Variants in C19orf12 observed in about 807,000 individuals in gnomAD.
C19orf12 encodes the protein chromosome 19 open reading frame 12, also known as protein C19orf12.
A neutral mutation model predicts 3.8 loss-of-function variants in C19orf12; 2 were observed. That is an observed-to-expected ratio of 0.53 (90% CI 0.22 to 1.66). C19orf12 has a LOEUF of 1.66. Ranked by LOEUF, C19orf12 falls within the 40% of genes most tolerant of loss-of-function variation. The probability of loss-of-function intolerance (pLI) is 0.20; values close to 1 mark genes in which losing one functional copy is unlikely to be tolerated. For missense variants in C19orf12, 156 were observed against 188.8 expected (o/e 0.83, Z 1.02); for synonymous variants, 89 against 84.6 (o/e 1.05, Z -0.28).
rs1172113700 is a variant in C19orf12, at chr19:29,702,547, T to C, written c.*165A>G. 1 of 942,164 alleles carries C rather than the reference T, an allele frequency of 1.1e-6. No homozygotes were observed. The highest frequency in any genetic ancestry group is 1.9e-5 in the Admixed American group (1 of 53,662). The allele number at this position is 942,164 out of a possible 1,614,324, so 58.4% of individuals were successfully genotyped here. A position where few individuals can be genotyped will look rare whatever the true frequency, so the allele number is the denominator to read the frequency against. On this transcript the variant is annotated 3_prime_UTR_variant, in exon 3 of 3. Transcript: ENST00000323670. ...TGCTTCATCAGTAATTTCTGGAACA[T>C]GACACTGCACAGCGGTGGCCTCTCC...
intron 1 of C19orf12, among the ~76,000 whole-genome samples, chr19:29,712,175 G>A (rs1260632332): frequency 6.6e-6 from 1 of 152,138 alleles, no homozygotes; most frequent in Admixed American, 6.5e-5. Flanking sequence ...GGAAGCCGAG[G>A]TGGGCAGATC....
rs1348813651 is a variant in C19orf12, at chr19:29,700,182, C to T, written c.*2530G>A. 2 of 453,878 alleles carry T rather than the reference C, an allele frequency of 4.4e-6. No individual in the cohort carries two copies. The highest frequency in any genetic ancestry group is 4.7e-5 in the Admixed American group (2 of 42,562). The allele number at this position is 453,878 out of a possible 1,614,324, so 28.1% of individuals were successfully genotyped here. On this transcript the variant is annotated 3_prime_UTR_variant, in exon 3 of 3. Transcript: ENST00000323670. ...GCTGGGACCACCTGTGTCCCCTGGG[C>T]CTGACACAGACCAGGACCTGATGCA...
At chr19:29,703,045 C>T in intron 2 of C19orf12, 68 bp from the exon 3 acceptor site, 1 of 1,598,430 alleles carries the variant, frequency 6.3e-7, no homozygotes, top group South Asian at 1.1e-5. Context: ...TAAGTTCCCA[C>T]TGAGTGCACA....
rs1442363747 is a variant in C19orf12 at position 29,700,752 on chromosome 19, C to T, written c.*1960G>A. 4.4e-6 allele frequency: 2 copies of T among 454,034 alleles called. No homozygotes were observed. Among genetic ancestry groups the T allele is most frequent in the African/African-American group, 2.0e-5 (1 of 50,024 alleles). 28.1% of individuals were successfully genotyped at this position (454,034 alleles called of 1,614,324 possible). A position where few individuals can be genotyped will look rare whatever the true frequency, so the allele number is the denominator to read the frequency against. On this transcript the variant is annotated 3_prime_UTR_variant, in exon 3 of 3. Transcript: ENST00000323670. ...TCTGCAAGAGAAAGGCTCGGCCCTTCCTTAATCACCATGGGTTATAATTCA... is the reference window on the plus strand; with the variant it reads ...TCTGCAAGAGAAAGGCTCGGCCCTTTCTTAATCACCATGGGTTATAATTCA...
intron 1 of C19orf12, among the ~76,000 whole-genome samples, chr19:29,711,044 T>G (rs1972642504): frequency 7.0e-6 from 1 of 143,734 alleles, no homozygotes; most frequent in Non-Finnish European, 1.5e-5. Context: ...AGGTTTTTTT[T>G]TTTTTTTTTT....
Position 29,701,690 on chromosome 19 carries a change from G to GTT in C19orf12, c.*1021_*1022insAA, listed in dbSNP as rs758272383. On this transcript the variant is annotated 3_prime_UTR_variant, in exon 3 of 3. Coordinates refer to ENST00000323670, the MANE Select transcript of C19orf12 (RefSeq NM_031448.6). ...CATTCTACTATGCTTTGTGAATACT[G>GTT]TGTTTTTTTTTTAAATTGAAGGTTT... 11 of 407,830 alleles carry GTT rather than the reference G, an allele frequency of 2.7e-5. No homozygotes were observed. Among genetic ancestry groups the GTT allele is most frequent in the East Asian group, 7.1e-5 (1 of 14,116 alleles). 25.3% of individuals were successfully genotyped at this position (407,830 alleles called of 1,614,324 possible).
Position 29,700,175 on chromosome 19 carries a change from C to T in C19orf12, c.*2537G>A. The stretch of plus-strand genomic sequence containing the variant: ...CCTCTGAGCTGGGACCACCTGTGTC[C>T]CCTGGGCCTGACACAGACCAGGACC... On this transcript the variant is annotated 3_prime_UTR_variant, in exon 3 of 3. Transcript: ENST00000323670. The T allele has an allele frequency of 2.2e-6, 1 of 453,882 alleles. No individual in the cohort carries two copies. The highest frequency in any genetic ancestry group is 4.4e-6 in the Non-Finnish European group (1 of 226,754). The allele number at this position is 453,882 out of a possible 1,614,324, so 28.1% of individuals were successfully genotyped here.
rs1315280159 is a variant in C19orf12, at chr19:29,701,934, T to C, written c.*778A>G. 1.8e-5 allele frequency: 8 copies of C among 454,060 alleles called. No individual in the cohort carries two copies. In the East Asian group the frequency reaches 5.5e-4, roughly 31 times the overall value. 28.1% of individuals were successfully genotyped at this position (454,060 alleles called of 1,614,324 possible). On this transcript the variant is annotated 3_prime_UTR_variant, in exon 3 of 3. Transcript: ENST00000323670. ...TAAAACAATGCGCTTCCTTGCTTTATTGTGATGTTGGCTTTACCGAGGTGG... is the reference window on the plus strand; with the variant it reads ...TAAAACAATGCGCTTCCTTGCTTTACTGTGATGTTGGCTTTACCGAGGTGG...
rs1384204391 is a variant in C19orf12 at position 29,699,438 on chromosome 19, G to A, written c.*3274C>T. ...GCAGAGCTTGCAGTGAACCAAGATC[G>A]CGCTACTGCACTCCAGCCCGGGCGA... is the stretch of plus-strand genomic sequence containing the variant. On this transcript the variant is annotated 3_prime_UTR_variant, in exon 3 of 3. Coordinates refer to ENST00000323670, the MANE Select transcript of C19orf12 (RefSeq NM_031448.6). 1.7e-5 allele frequency: 7 copies of A among 402,102 alleles called. No homozygotes were observed. The highest frequency in any genetic ancestry group is 6.7e-5 in the Admixed American group (2 of 30,014). The allele number at this position is 402,102 out of a possible 1,614,324, so 24.9% of individuals were successfully genotyped here. A position where few individuals can be genotyped will look rare whatever the true frequency, so the allele number is the denominator to read the frequency against.
rs1420884021 is a variant in C19orf12 at position 29,702,368 on chromosome 19, C to T, written c.*344G>A. The T allele has an allele frequency of 5.8e-6, 3 of 512,940 alleles. No homozygotes were observed. Among genetic ancestry groups the T allele is most frequent in the African/African-American group, 3.8e-5 (2 of 52,390 alleles). The allele number at this position is 512,940 out of a possible 1,614,324, so 31.8% of individuals were successfully genotyped here. On this transcript the variant is annotated 3_prime_UTR_variant, in exon 3 of 3. Coordinates refer to ENST00000323670, the MANE Select transcript of C19orf12 (RefSeq NM_031448.6). ...GGGGGAGGATGAAGTGTGGTCAGAC[C>T]GTCGGCTGAGCGTGATCACTTCCCC...
In C19orf12 at chr19:29,700,580, A is replaced by C. The variant is rs1335828222; in HGVS notation, c.*2132T>G. 2.2e-6 allele frequency: 1 copy of C among 454,174 alleles called. No homozygotes were observed. Among genetic ancestry groups the C allele is most frequent in the Admixed American group, 2.3e-5 (1 of 42,568 alleles). The allele number at this position is 454,174 out of a possible 1,614,324, so 28.1% of individuals were successfully genotyped here. On this transcript the variant is annotated 3_prime_UTR_variant, in exon 3 of 3. Coordinates refer to ENST00000323670, the MANE Select transcript of C19orf12 (RefSeq NM_031448.6). ...AAAGCCACACTCAGTTTTCACAGAC[A>C]GACAACCCCTCCTTCCCACCCCTGC...
intron 2 of C19orf12, chr19:29,705,510 GTTTT>G: frequency 4.8e-6 from 1 of 209,600 alleles, no homozygotes. Context: ...GGTTTCTTAG[GTTTT>G]TTTTTTTTTT....
At chr19:29,712,666 T>C (rs909278362) in intron 1 of C19orf12, among the ~76,000 whole-genome samples, 1 of 152,110 alleles carries the variant, frequency 6.6e-6, no homozygotes, top group African/African-American at 2.4e-5. Context: ...CCACCAGCTT[T>C]TCTATAAAAA....
Position 29,699,920 on chromosome 19 carries a change from A to C in C19orf12, c.*2792T>G, listed in dbSNP as rs1486806203. ...GCGCTTGATTTCCTGGGGGAAATCA[A>C]GAAAAGTGCTTTCGGCTCCTGGGGG... is the stretch of plus-strand genomic sequence containing the variant. On this transcript the variant is annotated 3_prime_UTR_variant, in exon 3 of 3. Transcript: ENST00000323670. The C allele has an allele frequency of 9.5e-6, 4 of 419,332 alleles. No homozygotes were observed. Among genetic ancestry groups the C allele is most frequent in the African/African-American group, 6.3e-5 (3 of 47,718 alleles). The allele number at this position is 419,332 out of a possible 1,614,324, so 26.0% of individuals were successfully genotyped here.
At chr19:29,706,329 C>T (rs937383970) in intron 2 of C19orf12, among the ~76,000 whole-genome samples, 4 of 152,176 alleles carry the variant, frequency 2.6e-5, no homozygotes, top group Non-Finnish European at 4.4e-5. Flanking sequence ...TGCAAAAAGT[C>T]GCCAGGAATA....
chr19:29,699,651 C>G lies in C19orf12; in HGVS notation c.*3061G>C, dbSNP rs565989780. The G allele has an allele frequency of 1.8e-4, 83 of 453,832 alleles. No homozygotes were observed. The highest frequency in any genetic ancestry group is 1.6e-3 in the African/African-American group (81 of 50,040). The allele number at this position is 453,832 out of a possible 1,614,324, so 28.1% of individuals were successfully genotyped here. ...TTTTCTAGGTTTTCAGCAACAAATACTGACAAAAGGAAATGAACAGTTTTC... is the reference window on the plus strand; with the variant it reads ...TTTTCTAGGTTTTCAGCAACAAATAGTGACAAAAGGAAATGAACAGTTTTC... On this transcript the variant is annotated 3_prime_UTR_variant, in exon 3 of 3. Coordinates refer to ENST00000323670, the MANE Select transcript of C19orf12 (RefSeq NM_031448.6).
At chr19:29,709,521 CTTA>C (rs1972556830) in intron 1 of C19orf12, among the ~76,000 whole-genome samples, 1 of 142,980 alleles carries the variant, frequency 7.0e-6, no homozygotes, top group Non-Finnish European at 1.5e-5. Flanking sequence ...GATTCTATTG[CTTA>C]TTATCTTTTT....
intron 1 of C19orf12, among the ~76,000 whole-genome samples, chr19:29,710,897 G>A (rs926423761): frequency 6.6e-6 from 1 of 152,186 alleles, no homozygotes; most frequent in African/African-American, 2.4e-5. Context: ...CATTATAACA[G>A]TGTCAGGACT....
chr19:29,712,022 G>C (rs1479866009), intron 1 of C19orf12, among the ~76,000 whole-genome samples: 4 of 152,190 alleles, frequency 2.6e-5, no homozygotes, highest in Non-Finnish European at 5.9e-5. Context: ...AGATAAGGAA[G>C]GCAAGCTCTA....
Sources: gnomAD v4.1 joint callset for allele counts (sites outside exome capture counted in the v4.1 genomes callset) on GRCh38, gnomAD v4.1.1 for gene constraint, MANE v1.5 for transcripts, NCBI Gene and HGNC (gene_info 2026-07-23, HGNC 2026-07-21) for gene names.